The following WDR90 variants were observed in gnomAD, a reference collection of about 807,000 sequenced individuals.
WDR90 encodes WD repeat domain 90.
Under a neutral mutation model 195.2 loss-of-function variants are expected in WDR90, and 238 were observed. That is an observed-to-expected ratio of 1.22 (90% CI 1.10 to 1.36). The LOEUF (loss-of-function observed/expected upper bound fraction) is 1.36, where lower values mean the gene tolerates loss of function less well. WDR90 is among the 40% of genes most tolerant of loss of function. The pLI, the probability that WDR90 is intolerant of heterozygous loss-of-function variation, is 0.00. For synonymous variants in WDR90, 1,265 were observed against 1,052.4 expected, an observed-to-expected ratio of 1.20 and a Z score of -3.91; for missense variants, 2,734 against 2,439.5, an observed-to-expected ratio of 1.12 and a Z score of -2.54.
chr16:651,715 T>C lies in WDR90; in HGVS notation c.808T>C (p.Ser270Pro). 3.7e-6 allele frequency: 6 copies of C among 1,613,100 alleles called. No individual in the cohort carries two copies. The South Asian group carries it at 5.5e-5, about 15-fold the overall frequency. ...ASSKPVRFSV[S>P]PVVQTPSPTA... is the part of the protein sequence containing the mutation. Reference sequence around the variant, plus strand: ...CAGCAAACCTGTGCGGTTCAGTGTGTCTCCAGTGGTCCAGACGCCCAGCCC... The same window carrying C: ...CAGCAAACCTGTGCGGTTCAGTGTGCCTCCAGTGGTCCAGACGCCCAGCCC... Residue 270 changes from serine (S) to proline (P), a missense_variant, in exon 8 of 41, where the codon TCT becomes CCT. Transcript: ENST00000293879.
In WDR90 at chr16:667,510, G is replaced by A. The variant is rs2038136591; in HGVS notation, c.5168G>A (p.Cys1723Tyr). Residue 1723 changes from cysteine (C) to tyrosine (Y), a missense_variant, in exon 41 of 41, where the codon TGC becomes TAC. Transcript: ENST00000293879. ...FAGHDNAVHL[C>Y]RFTPSARLLF... is the part of the protein sequence containing the mutation. ...GGCCACGACAACGCAGTGCACCTGTGCAGGTTTACACCGTCCGCCAGGCTG... is the reference window on the plus strand; with the variant it reads ...GGCCACGACAACGCAGTGCACCTGTACAGGTTTACACCGTCCGCCAGGCTG... The A allele has an allele frequency of 1.9e-6, 3 of 1,612,552 alleles. No homozygotes were observed. Among genetic ancestry groups the A allele is most frequent in the East Asian group, 4.5e-5 (2 of 44,884 alleles).
At position 656,746 on chromosome 16, in the gene WDR90, A is replaced by T; in HGVS notation, c.2217A>T (p.Thr739=). ...CTGTCCCACAGCTATACGACTTCAC[A>T]TCATCAGAGGACGCCCCGTGCGCTG... The part of the protein sequence containing the change: ...LATLQQLYDF[T]SSEDAPCAVT... The change falls in exon 19 of 41, where the codon ACA becomes ACT. Residue 739 remains threonine (T), a synonymous_variant. Transcript: ENST00000293879. 1 of 1,613,034 alleles carries T rather than the reference A, an allele frequency of 6.2e-7. No homozygotes were observed. Among genetic ancestry groups the T allele is most frequent in the Non-Finnish European group, 8.5e-7 (1 of 1,179,892 alleles).
At chr16:655,252 C>T (rs1220273624) in intron 14 of WDR90, 55 bp from the exon 15 acceptor site, 2 of 1,611,534 alleles carry the variant, frequency 1.2e-6, no homozygotes, top group South Asian at 1.1e-5. Flanking sequence ...TCTGCGTCTC[C>T]CGGTGGGTCA....
In WDR90 at chr16:658,656, G is replaced by C; in HGVS notation, c.2895+3G>C. On this transcript the variant is annotated splice_donor_region_variant and intron_variant, in intron 23 of 40. Coordinates refer to ENST00000293879, the MANE Select transcript of WDR90 (RefSeq NM_145294.5). ...CACAGGCCAGCCCAGGCCCCCAGGT[G>C]TGTGCGTGGGGAGGCAGGTGGCTTT... 2 of 1,606,102 alleles carry C rather than the reference G, an allele frequency of 1.2e-6. No individual in the cohort carries two copies. Among genetic ancestry groups the C allele is most frequent in the Non-Finnish European group, 1.7e-6 (2 of 1,174,912 alleles).
rs1567225534 is a variant in WDR90 at position 666,670 on chromosome 16, C to T, written c.4885-3C>T. On this transcript the variant is annotated splice_polypyrimidine_tract_variant and splice_region_variant and intron_variant, in intron 38 of 40. Coordinates refer to ENST00000293879, the MANE Select transcript of WDR90 (RefSeq NM_145294.5). The stretch of plus-strand genomic sequence containing the variant: ...CCCACCGCAGCATGCTGCGCCTTTG[C>T]AGACTCAGGGCCACCTGCCACCCTC... The T allele has an allele frequency of 6.2e-7, 1 of 1,612,440 alleles. No individual in the cohort carries two copies. The highest frequency in any genetic ancestry group is 8.5e-7 in the Non-Finnish European group (1 of 1,179,788).
chr16:658,373 C>A (rs1187236906), intron 22 of WDR90, 29 bp downstream of exon 22: 1 of 1,608,102 alleles, frequency 6.2e-7, no homozygotes, highest in Non-Finnish European at 8.5e-7. Flanking sequence ...GCCCGCCGAC[C>A]TGGCCCTCCC....
chr16:655,238 C>A, intron 14 of WDR90, 69 bp from the exon 15 acceptor site: 3 of 1,611,646 alleles, frequency 1.9e-6, no homozygotes, highest in Non-Finnish European at 2.5e-6. Flanking sequence ...CTTGGCTGTG[C>A]GTCTCTGCGT....
chr16:666,592 C>A lies in WDR90; in HGVS notation c.4878C>A (p.Thr1626=), dbSNP rs376571828. 58 of 1,612,340 alleles carry A rather than the reference C, an allele frequency of 3.6e-5. No homozygotes were observed. The highest frequency in any genetic ancestry group is 4.7e-5 in the Non-Finnish European group (55 of 1,179,796). The change falls in exon 38 of 41, where the codon ACC becomes ACA. Residue 1626 remains threonine, a synonymous_variant. Coordinates refer to ENST00000293879, the MANE Select transcript of WDR90 (RefSeq NM_145294.5). ...VDWLSFPMPA[T]TETQGHLPPS... The stretch of plus-strand genomic sequence containing the variant: ...GGTTGAGTTTCCCAATGCCTGCCAC[C>A]ACGGAGGTAAACCATGCTCCTGGCA...
In WDR90 at chr16:667,642, T is replaced by A. The variant is rs1191972977; in HGVS notation, c.*53T>A. 1.9e-6 allele frequency: 3 copies of A among 1,597,126 alleles called. No individual in the cohort carries two copies. The African/African-American group carries it at 4.0e-5, about 21-fold the overall frequency. On this transcript the variant is annotated 3_prime_UTR_variant, in exon 41 of 41. Transcript: ENST00000293879. The stretch of plus-strand genomic sequence containing the variant: ...ATCACGCCTGGTCATGCCAGGCACC[T>A]GGACACAGGCTTGGCAGAGGCGCCA...
intron 29 of WDR90, 60 bp from the exon 30 acceptor site, chr16:661,282 C>T: frequency 6.5e-7 from 1 of 1,540,882 alleles, no homozygotes; most frequent in Non-Finnish European, 8.7e-7. Flanking sequence ...GACGGCCACC[C>T]CAGCCTCCAC....
At chr16:650,946 A>G in intron 5 of WDR90, 49 bp from the exon 6 acceptor site, 1 of 1,594,546 alleles carries the variant, frequency 6.3e-7, no homozygotes, top group Non-Finnish European at 8.6e-7. Flanking sequence ...CCCTGTGTTC[A>G]GGTGGCTAAA....
intron 34 of WDR90, 138 bp from the exon 35 acceptor site, chr16:665,541 C>A: frequency 7.1e-7 from 1 of 1,406,690 alleles, no homozygotes; most frequent in Non-Finnish European, 9.9e-7. Flanking sequence ...CTCCTTTCCG[C>A]CATGTGGAGT....
At position 651,657 on chromosome 16, in the gene WDR90, G is replaced by C; in HGVS notation, c.750G>C (p.Pro250=). ...CSPPEAVLLG[P]GPQPLPCPVA... ...GCTCTGTTCTAGTCCTCCTGGGGCC[G>C]GGGCCACAGCCTCTCCCTTGCCCGG... is the stretch of plus-strand genomic sequence containing the variant. The change falls in exon 8 of 41, where the codon CCG becomes CCC. Residue 250 remains proline (P), a synonymous_variant. Transcript: ENST00000293879. The C allele has an allele frequency of 6.2e-7, 1 of 1,612,228 alleles. No individual in the cohort carries two copies. Among genetic ancestry groups the C allele is most frequent in the Non-Finnish European group, 8.5e-7 (1 of 1,179,678 alleles).
chr16:657,667 C>T (rs539771414), intron 20 of WDR90, 95 bp from the exon 21 acceptor site: 49 of 1,417,354 alleles, frequency 3.5e-5, no homozygotes, highest in African/African-American at 4.4e-5. Flanking sequence ...TGGTGTTTCC[C>T]GAAAGTGGGG....
Position 660,127 on chromosome 16 carries a change from C to T in WDR90, c.3254C>T (p.Pro1085Leu). ...TYLASCKAFT[P>L]ARVSCSPHSA... ...CTGGCTTCCTGCAAGGCCTTCACGC[C>T]TGCCAGGGTCAGCTGCAGCCCCCAC... Residue 1085 changes from proline (P) to leucine (L), a missense_variant, in exon 27 of 41, where the codon CCT becomes CTT. Pro to Leu is a moderately conservative substitution (Grantham distance 98). Coordinates refer to ENST00000293879, the MANE Select transcript of WDR90 (RefSeq NM_145294.5). The T allele has an allele frequency of 1.3e-6, 2 of 1,540,708 alleles. No homozygotes were observed. The highest frequency in any genetic ancestry group is 1.2e-5 in the South Asian group (1 of 83,662).
intron 13 of WDR90, chr16:654,031 A>G: frequency 1.7e-6 from 1 of 598,998 alleles, no homozygotes; most frequent in African/African-American, 1.9e-5. Flanking sequence ...CGGCCATCGG[A>G]GTCGGTTTAA....
At chr16:659,516 CG>C in intron 26 of WDR90, 140 bp downstream of exon 26, 1 of 999,110 alleles carries the variant, frequency 1.0e-6, no homozygotes, top group Non-Finnish European at 1.4e-6. Flanking sequence ...ACAGTGGGGT[CG>C]GGGTGGGGGC....
chr16:649,455 G>A (rs2037592519), intron 1 of WDR90, 29 bp downstream of exon 1: 2 of 1,296,180 alleles, frequency 1.5e-6, no homozygotes, highest in Admixed American at 4.2e-5. Flanking sequence ...GGGTCCCGAG[G>A]ATCCCGGGTT....
intron 40 of WDR90, 44 bp downstream of exon 40, chr16:667,033 C>T (rs778469210): frequency 8.4e-6 from 13 of 1,546,738 alleles, no homozygotes; most frequent in Non-Finnish European, 1.1e-5. Context: ...TAGGTGGGGG[C>T]CAAGTGGGCT....
Sources: allele counts gnomAD v4.1 joint callset, GRCh38; gene constraint gnomAD v4.1.1; transcripts MANE v1.5; gene names NCBI Gene and HGNC (gene_info 2026-07-23, HGNC 2026-07-21).